PDE2A: variants seen among roughly 807,000 people sequenced by gnomAD.
PDE2A encodes phosphodiesterase 2A.
Under a neutral mutation model 133.6 loss-of-function variants are expected in PDE2A, and 53 were observed. The ratio of observed to expected loss-of-function variants is 0.40; its 90% CI spans 0.32 to 0.50. PDE2A has a LOEUF of 0.50. Ranked by LOEUF, PDE2A falls within the 20% of genes least tolerant of loss-of-function variation. The probability of loss-of-function intolerance (pLI) is 0.73; values close to 1 mark genes in which losing one functional copy is unlikely to be tolerated. For synonymous variants in PDE2A, 491 were observed against 490.2 expected (o/e 1.00, Z -0.02); for missense variants, 796 against 1,232.4 (o/e 0.65, Z 5.30).
At chr11:72,670,970 G>A (rs1349242369) in intron 1 of PDE2A, among the ~76,000 whole-genome samples, 1 of 152,120 alleles carries the variant, frequency 6.6e-6, no homozygotes, top group African/African-American at 2.4e-5. Context: ...TGACCCAAAC[G>A]CCCTTACTGT....
intron 2 of PDE2A, chr11:72,631,083 G>C (rs1176186910): frequency 2.0e-6 from 3 of 1,538,296 alleles, no homozygotes; most frequent in Non-Finnish European, 2.6e-6. Context: ...CTCACCTCCA[G>C]TCGGTCGTCT....
At position 72,617,836 on chromosome 11, in the gene PDE2A, C is replaced by G. The variant is rs143595874; in HGVS notation, c.145-9085G>C. 1.7e-4 allele frequency among the ~76,000 whole-genome samples: 26 copies of G among 152,308 alleles called. No individual in the cohort carries two copies. The East Asian group carries it at 4.6e-3, about 27-fold the overall frequency. Reference sequence around the variant, plus strand: ...TCTTCCTCTGCACTGACTCCTGCCCCCTTTCCCTCTCTCTGCCCCTGCAGG... The same window carrying G: ...TCTTCCTCTGCACTGACTCCTGCCCGCTTTCCCTCTCTCTGCCCCTGCAGG... On this transcript the variant is annotated intron_variant, in intron 2 of 30. Coordinates refer to ENST00000334456, the MANE Select transcript of PDE2A (RefSeq NM_002599.5).
At position 72,595,643 on chromosome 11, in the gene PDE2A, G is replaced by A. The variant is rs116576842; in HGVS notation, c.489+950C>T. 5.2e-3 allele frequency among the ~76,000 whole-genome samples: 784 copies of A among 152,108 alleles called. 4 individuals carry two copies. The highest frequency in any genetic ancestry group is 0.018 in the African/African-American group (745 of 41,474). Reference sequence around the variant, plus strand: ...TTTAATGAGCTGGAGAGGAGTCCCCGGGGAACCAACACCTGCTCATTTATC... The same window carrying A: ...TTTAATGAGCTGGAGAGGAGTCCCCAGGGAACCAACACCTGCTCATTTATC... On this transcript the variant is annotated intron_variant, in intron 6 of 30. Transcript: ENST00000334456.
chr11:72,616,467 T>C (rs1250470550), intron 2 of PDE2A, among the ~76,000 whole-genome samples: 2 of 152,146 alleles, frequency 1.3e-5, no homozygotes, highest in African/African-American at 2.4e-5. Context: ...CAGCCCCTCA[T>C]AGGTGTTGGT....
At chr11:72,627,668 A>G (rs1309428049) in intron 2 of PDE2A, among the ~76,000 whole-genome samples, 2 of 152,314 alleles carry the variant, frequency 1.3e-5, no homozygotes, top group East Asian at 3.9e-4. Context: ...TCTTTGTCCC[A>G]AGGGCAGCAA....
chr11:72,668,513 G>C (rs900176736), intron 1 of PDE2A: 54 of 700,358 alleles, frequency 7.7e-5, no homozygotes, highest in Non-Finnish European at 8.6e-5. Flanking sequence ...AGCAAGCCAG[G>C]GGGTCCCTGA....
chr11:72,578,446 C>G lies in PDE2A; in HGVS notation c.2508+30G>C. On this transcript the variant is annotated intron_variant, in intron 29 of 30. Coordinates refer to ENST00000334456, the MANE Select transcript of PDE2A (RefSeq NM_002599.5). The surrounding 1 kb of genome is among the most constrained non-coding windows in gnomAD (Gnocchi z 4.2). ...CCCAGGCCAGGAACCCTCCCCCATC[C>G]TGGACATCCTGGGGTCACTCCACAC... 1 of 1,605,830 alleles carries G rather than the reference C, an allele frequency of 6.2e-7. No individual in the cohort carries two copies. The highest frequency in any genetic ancestry group is 8.5e-7 in the Non-Finnish European group (1 of 1,172,444).
chr11:72,592,434 T>C (rs1189444853), intron 6 of PDE2A, among the ~76,000 whole-genome samples: 1 of 152,140 alleles, frequency 6.6e-6, no homozygotes, highest in Non-Finnish European at 1.5e-5. Flanking sequence ...ACAGTCTGTC[T>C]GGGGTGGGAC....
In PDE2A at chr11:72,658,204, A is replaced by G. The variant is rs78530433; in HGVS notation, c.72-15878T>C. 3,922 of 443,742 alleles carry G rather than the reference A, an allele frequency of 8.8e-3. 107 individuals are homozygous for G. Among genetic ancestry groups the G allele is most frequent in the African/African-American group, 0.072 (3,598 of 49,982 alleles). 27.5% of individuals were successfully genotyped at this position (443,742 alleles called of 1,614,324 possible). A position where few individuals can be genotyped will look rare whatever the true frequency, so the allele number is the denominator to read the frequency against. The stretch of plus-strand genomic sequence containing the variant: ...TTATCGCTGCCTTCTCTGAACTGCC[A>G]GCAATGGTGGGTGAGGGTTCTGGTC... On this transcript the variant is annotated intron_variant, in intron 1 of 30. Transcript: ENST00000334456.
chr11:72,651,615 G>A (rs1199416457), intron 1 of PDE2A, among the ~76,000 whole-genome samples: 2 of 152,212 alleles, frequency 1.3e-5, no homozygotes, highest in East Asian at 1.9e-4. Flanking sequence ...TCCTTGAAAG[G>A]TGGCTGTGAA....
chr11:72,662,042 A>T (rs1437541738), intron 1 of PDE2A, among the ~76,000 whole-genome samples: 1 of 151,254 alleles, frequency 6.6e-6, no homozygotes, highest in African/African-American at 2.4e-5. Context: ...TTGTATATTT[A>T]TGTTGGTGTT....
chr11:72,589,148 C>T (rs751661521), intron 12 of PDE2A, 27 bp downstream of exon 12: 3 of 1,602,120 alleles, frequency 1.9e-6, no homozygotes, highest in African/African-American at 1.3e-5. Flanking sequence ...CCTCTTTCCC[C>T]TCTGGGTCAG....
At chr11:72,648,326 C>A (rs1292652912) in intron 1 of PDE2A, among the ~76,000 whole-genome samples, 1 of 152,202 alleles carries the variant, frequency 6.6e-6, no homozygotes, top group Non-Finnish European at 1.5e-5. Flanking sequence ...CAGTCCAGAT[C>A]CAGCTCTGTG....
intron 2 of PDE2A, among the ~76,000 whole-genome samples, chr11:72,609,847 T>C (rs931611037): frequency 8.0e-6 from 1 of 124,620 alleles, no homozygotes; most frequent in African/African-American, 2.6e-5. Context: ...GTGAACATGA[T>C]ATGAGGTTGA....
chr11:72,658,344 C>G, intron 1 of PDE2A: 1 of 360,848 alleles, frequency 2.8e-6, no homozygotes, highest in Admixed American at 3.7e-5. Context: ...CCACCCTCAT[C>G]CAAGCAGGCT....
chr11:72,585,624 G>T (rs1275415406), intron 14 of PDE2A, 31 bp from the exon 15 acceptor site: 6 of 1,609,668 alleles, frequency 3.7e-6, no homozygotes, highest in Non-Finnish European at 5.1e-6. Flanking sequence ...ATCATAGGGG[G>T]GTCGGGGTGT....
chr11:72,642,440 C>T (rs1373506533), intron 1 of PDE2A, 114 bp from the exon 2 acceptor site: 3 of 1,175,766 alleles, frequency 2.6e-6, no homozygotes, highest in East Asian at 3.7e-5. Flanking sequence ...TCCGCGACAG[C>T]TTCGCCTGGT....
At chr11:72,612,771 A>G (rs73544307) in intron 2 of PDE2A, among the ~76,000 whole-genome samples, 7,557 of 151,928 alleles carry the variant, frequency 0.05, 325 homozygotes, top group African/African-American at 0.11. Context: ...TGCTCTCTCC[A>G]GCTCCACCTG....
At chr11:72,581,288 G>A in intron 23 of PDE2A, 69 bp downstream of exon 23, 2 of 1,472,828 alleles carry the variant, frequency 1.4e-6, no homozygotes, top group Non-Finnish European at 1.8e-6. Context: ...TGACACACAG[G>A]GGGTGCTTCC....
Sources: gnomAD v4.1 joint callset for allele counts (sites outside exome capture counted in the v4.1 genomes callset) on GRCh38, gnomAD v4.1.1 for gene constraint, Gnocchi (gnomAD v3.1) non-coding constraint, MANE v1.5 for transcripts, NCBI Gene and HGNC (gene_info 2026-07-23, HGNC 2026-07-21) for gene names.